Variants in PPP2R2C observed in about 807,000 individuals in gnomAD.
PPP2R2C encodes protein phosphatase 2 regulatory subunit Bgamma, also known as protein phosphatase 2, regulatory subunit B, gamma.
Under a neutral mutation model 45.3 loss-of-function variants are expected in PPP2R2C, and 10 were observed. The ratio of observed to expected loss-of-function variants is 0.22; its 90% CI spans 0.14 to 0.37. The LOEUF is 0.37. Ranked by LOEUF, PPP2R2C falls within the 10% of genes least tolerant of loss-of-function variation. The pLI is 1.00. For synonymous variants in PPP2R2C, 257 were observed against 245.4 expected, an observed-to-expected ratio of 1.05 and a Z score of -0.44; for missense variants, 308 against 619.7, an observed-to-expected ratio of 0.50 and a Z score of 5.34.
chr4:6,405,231 C>G (rs1225374579), intron 1 of PPP2R2C, among the ~76,000 whole-genome samples: 1 of 152,130 alleles, frequency 6.6e-6, no homozygotes, highest in African/African-American at 2.4e-5. Context: ...AGCGGGTTCC[C>G]CAGGTCGCAG....
intron 5 of PPP2R2C, among the ~76,000 whole-genome samples, chr4:6,366,567 C>T (rs191394081): frequency 2.6e-5 from 4 of 152,242 alleles, no homozygotes; most frequent in East Asian, 3.9e-4. Flanking sequence ...TCAGTGTGAC[C>T]GGGGGCAGCC....
intron 4 of PPP2R2C, among the ~76,000 whole-genome samples, chr4:6,374,274 C>T (rs764699312): frequency 3.3e-5 from 5 of 152,140 alleles, no homozygotes; most frequent in Non-Finnish European, 7.3e-5. Flanking sequence ...TTTCTCCAGG[C>T]GGCCTTGGGA....
chr4:6,395,588 CCCCCCACAGCGGGGG>C (rs1716967737), intron 1 of PPP2R2C, among the ~76,000 whole-genome samples: 1 of 152,168 alleles, frequency 6.6e-6, no homozygotes, highest in Admixed American at 6.5e-5. Context: ...AGAGGCGGGA[CCCCCCACAGCGGGGG>C]CTGATCAGCA....
At chr4:6,409,265 A>G (rs1435327823) in intron 1 of PPP2R2C, among the ~76,000 whole-genome samples, 1 of 152,230 alleles carries the variant, frequency 6.6e-6, no homozygotes, top group African/African-American at 2.4e-5. Flanking sequence ...CTTATGCTTA[A>G]AAATATACCA....
chr4:6,534,105 C>G (rs1724499891), intron 2 of PPP2R2C, among the ~76,000 whole-genome samples: 1 of 150,666 alleles, frequency 6.6e-6, no homozygotes, highest in Non-Finnish European at 1.5e-5. Context: ...CACTAAAACA[C>G]ACACCAACAT....
intron 1 of PPP2R2C, among the ~76,000 whole-genome samples, chr4:6,457,475 G>A (rs1721105724): frequency 6.6e-6 from 1 of 151,994 alleles, no homozygotes; most frequent in Non-Finnish European, 1.5e-5. Flanking sequence ...GGGTTCAAGT[G>A]ATCCTCCAGC....
At chr4:6,523,172 G>A (rs892929326) in intron 2 of PPP2R2C, among the ~76,000 whole-genome samples, 1 of 152,184 alleles carries the variant, frequency 6.6e-6, no homozygotes, top group South Asian at 2.1e-4. Flanking sequence ...GCTGCGGAGG[G>A]GCAAGAAATC....
intron 1 of PPP2R2C, among the ~76,000 whole-genome samples, chr4:6,416,958 G>C (rs1718630992): frequency 6.6e-6 from 1 of 152,134 alleles, no homozygotes; most frequent in Admixed American, 6.5e-5. Flanking sequence ...CTCTCTTCCT[G>C]GGGGAGAACA....
chr4:6,453,903 C>T (rs1226801756), intron 1 of PPP2R2C, among the ~76,000 whole-genome samples: 34 of 152,174 alleles, frequency 2.2e-4, no homozygotes, highest in Non-Finnish European at 2.9e-5. Context: ...GGCTGCACCC[C>T]CACCCGGCCC....
chr4:6,440,288 T>A (rs1026853706), intron 1 of PPP2R2C, among the ~76,000 whole-genome samples: 11 of 152,238 alleles, frequency 7.2e-5, no homozygotes, highest in African/African-American at 2.7e-4. Context: ...CATTTTCTAT[T>A]TAAGTTATCA....
intron 2 of PPP2R2C, among the ~76,000 whole-genome samples, chr4:6,526,630 T>C (rs1237529585): frequency 6.6e-6 from 1 of 152,210 alleles, no homozygotes; most frequent in Non-Finnish European, 1.5e-5. Flanking sequence ...GCAGCGAGAA[T>C]GTCCATCCAT....
At position 6,345,796 on chromosome 4, in the gene PPP2R2C, C is replaced by T. The variant is rs762328774; in HGVS notation, c.790+2050G>A. Among the ~76,000 whole-genome samples, 4 of 152,136 alleles carry T rather than the reference C, an allele frequency of 2.6e-5. No homozygotes were observed. Among genetic ancestry groups the T allele is most frequent in the Non-Finnish European group, 5.9e-5 (4 of 68,010 alleles). ...TGGTCCTTTGTTGTGGCGCACAGGA[C>T]GCAGCCCCGAGCCCCCTGCACCCCG... is the stretch of plus-strand genomic sequence containing the variant. On this transcript the variant is annotated intron_variant, in intron 6 of 8. Coordinates refer to ENST00000382599, the MANE Select transcript of PPP2R2C (RefSeq NM_020416.4). The surrounding 1 kb of genome is among the most constrained non-coding windows in gnomAD (Gnocchi z 5.3).
At chr4:6,546,000 G>A (rs1724968982) in intron 1 of PPP2R2C, among the ~76,000 whole-genome samples, 2 of 152,204 alleles carry the variant, frequency 1.3e-5, no homozygotes, top group Non-Finnish European at 2.9e-5. Flanking sequence ...TTCCAGAGAA[G>A]CATGGAGAGA....
chr4:6,469,259 G>C (rs1721738486), intron 1 of PPP2R2C, among the ~76,000 whole-genome samples: 1 of 152,178 alleles, frequency 6.6e-6, no homozygotes, highest in African/African-American at 2.4e-5. Flanking sequence ...CAAAGGATGA[G>C]AAAGAGTCAG....
intron 1 of PPP2R2C, among the ~76,000 whole-genome samples, chr4:6,401,438 G>A (rs950301656): frequency 6.6e-6 from 1 of 152,034 alleles, no homozygotes; most frequent in South Asian, 2.1e-4. Context: ...GGGCTACGAT[G>A]GCAACATCCG....
intron 1 of PPP2R2C, among the ~76,000 whole-genome samples, chr4:6,405,008 T>C (rs1717699537): frequency 6.6e-6 from 1 of 152,178 alleles, no homozygotes; most frequent in Non-Finnish European, 1.5e-5. Context: ...CTAGAGTTAC[T>C]GGGCAAATTA....
intron 2 of PPP2R2C, chr4:6,380,169 G>C (rs1715670964): frequency 6.6e-6 from 1 of 152,612 alleles, no homozygotes; most frequent in Admixed American, 6.5e-5. Context: ...GGGCAGCCAG[G>C]TCTGCTGTTC....
chr4:6,360,708 G>A (rs1713652203), intron 5 of PPP2R2C, among the ~76,000 whole-genome samples: 1 of 152,204 alleles, frequency 6.6e-6, no homozygotes, highest in Non-Finnish European at 1.5e-5. Flanking sequence ...AACATGAGCT[G>A]CAAGCACTCA....
chr4:6,328,814 G>A lies in PPP2R2C; in HGVS notation c.1052+448C>T, dbSNP rs762711674. Among the ~76,000 whole-genome samples the A allele has an allele frequency of 3.3e-5, 5 of 152,212 alleles. No homozygotes were observed. Among genetic ancestry groups the A allele is most frequent in the Non-Finnish European group, 5.9e-5 (4 of 68,034 alleles). Reference sequence around the variant, plus strand: ...GAGTGGGGTGTCACCAGGAAGAGAGGGAGACAGTAGTGGTGATGGGAGGAG... The same window carrying A: ...GAGTGGGGTGTCACCAGGAAGAGAGAGAGACAGTAGTGGTGATGGGAGGAG... On this transcript the variant is annotated intron_variant, in intron 8 of 8. Transcript: ENST00000382599. This position sits in a 1 kb window ranked among gnomAD's most constrained non-coding sequence, Gnocchi z 4.4.
Sources: gnomAD v4.1 joint callset for allele counts (sites outside exome capture counted in the v4.1 genomes callset) on GRCh38, gnomAD v4.1.1 for gene constraint, Gnocchi (gnomAD v3.1) non-coding constraint, MANE v1.5 for transcripts, NCBI Gene and HGNC (gene_info 2026-07-23, HGNC 2026-07-21) for gene names.